RBFOX1: variants seen among roughly 807,000 people sequenced by gnomAD.
RBFOX1 encodes RNA binding fox-1 homolog 1, also known as RNA binding protein fox-1 homolog 1.
In RBFOX1, 8 loss-of-function variants were observed where a neutral mutation model predicts 57.7. The observed-to-expected ratio is 0.14, with a 90% CI of 0.08 to 0.25. RBFOX1 has a LOEUF of 0.25. RBFOX1 is among the 10% of genes least tolerant of loss of function. The probability of loss-of-function intolerance (pLI) is 1.00; values close to 1 mark genes in which losing one functional copy is unlikely to be tolerated. For missense variants in RBFOX1, 611 were observed against 548.5 expected (o/e 1.11, Z -1.14); for synonymous variants, 326 against 222.4 (o/e 1.47, Z -4.15).
At chr16:6,043,016 C>G (rs1202742339) in intron 1 of RBFOX1, among the ~76,000 whole-genome samples, 1 of 150,504 alleles carries the variant, frequency 6.6e-6, no homozygotes, top group Non-Finnish European at 1.5e-5. Context: ...ACTTGGGAGG[C>G]TAAGGCACCA....
At chr16:7,010,340 C>T (rs893887858) in intron 3 of RBFOX1, among the ~76,000 whole-genome samples, 3 of 152,192 alleles carry the variant, frequency 2.0e-5, no homozygotes, top group Admixed American at 6.5e-5. Flanking sequence ...GCATCAAACC[C>T]AGTCTGGTTA....
intron 4 of RBFOX1, among the ~76,000 whole-genome samples, chr16:7,088,527 T>C (rs549802360): frequency 3.5e-4 from 41 of 117,410 alleles, no homozygotes; most frequent in African/African-American, 1.1e-3. Context: ...ATAAATACTC[T>C]GTAGTTGTTT....
In RBFOX1 at chr16:7,712,994, G is replaced by A. The variant is rs951885332; in HGVS notation, c.*2249G>A. On this transcript the variant is annotated 3_prime_UTR_variant, in exon 16 of 16. Coordinates refer to ENST00000550418, the MANE Select transcript of RBFOX1 (RefSeq NM_018723.4). ...TAATAAAATCATTTAGAGTGAGTGA[G>A]TGCCAACCGATGTTGCAGAATCTTT... The A allele has an allele frequency of 6.6e-6, 1 of 152,322 alleles. No homozygotes were observed. The highest frequency in any genetic ancestry group is 2.1e-4 in the South Asian group (1 of 4,834). 9.4% of individuals were successfully genotyped at this position (152,322 alleles called of 1,614,324 possible).
chr16:6,890,242 G>A (rs886090396), intron 3 of RBFOX1, among the ~76,000 whole-genome samples: 1 of 152,148 alleles, frequency 6.6e-6, no homozygotes, highest in Non-Finnish European at 1.5e-5. Flanking sequence ...AAGGAGGGTG[G>A]GCATGGTAGC....
intron 1 of RBFOX1, 99 bp from the exon 2 acceptor site, chr16:6,316,895 AT>A (rs1386936930): frequency 2.4e-6 from 2 of 835,192 alleles, no homozygotes; most frequent in African/African-American, 3.4e-5. Context: ...GTCAGAACCT[AT>A]TTTGAAGGTT....
Position 5,976,784 on chromosome 16 carries a change from G to A in RBFOX1, c.351+109449G>A, listed in dbSNP as rs540319647. Among the ~76,000 whole-genome samples the A allele has an allele frequency of 2.0e-3, 312 of 152,298 alleles. 4 individuals carry two copies. Among genetic ancestry groups the A allele is most frequent in the Middle Eastern group, 3.4e-3 (1 of 294 alleles). On this transcript the variant is annotated intron_variant, in intron 4 of 19. Coordinates refer to the RBFOX1 transcript ENST00000641259. Reference sequence around the variant, plus strand: ...CTTGGGGGGCTTAGCCAGGAGAGTTGCTTGAACTTGGGAGGTGGAGGTTGC... The same window carrying A: ...CTTGGGGGGCTTAGCCAGGAGAGTTACTTGAACTTGGGAGGTGGAGGTTGC...
chr16:6,613,788 A>C (rs1357444906), intron 2 of RBFOX1, among the ~76,000 whole-genome samples: 2 of 152,178 alleles, frequency 1.3e-5, no homozygotes, highest in African/African-American at 4.8e-5. Flanking sequence ...AATATAAAAA[A>C]TTAGCCGGGT....
intron 4 of RBFOX1, among the ~76,000 whole-genome samples, chr16:5,901,468 G>A (rs1013640924): frequency 6.6e-5 from 10 of 152,120 alleles, no homozygotes; most frequent in African/African-American, 1.9e-4. Context: ...CATTTGTTCC[G>A]AAGGTTTGCC....
chr16:6,017,772 AC>A (rs1388788664), upstream of RBFOX1, among the ~76,000 whole-genome samples: 1 of 152,164 alleles, frequency 6.6e-6, no homozygotes, highest in Non-Finnish European at 1.5e-5. Flanking sequence ...TGCAAGAGGA[AC>A]CCTTAAGGAA....
intron 1 of RBFOX1, among the ~76,000 whole-genome samples, chr16:6,136,329 C>T (rs996167878): frequency 6.6e-6 from 1 of 152,092 alleles, no homozygotes; most frequent in Non-Finnish European, 1.5e-5. Flanking sequence ...AACCTTCCCC[C>T]AAGGCACCCT....
At chr16:7,451,831 C>A (rs1226305405) in intron 4 of RBFOX1, among the ~76,000 whole-genome samples, 1 of 152,096 alleles carries the variant, frequency 6.6e-6, no homozygotes, top group Non-Finnish European at 1.5e-5. Flanking sequence ...CTCCCAGTTC[C>A]CTAATCTAAT....
At chr16:5,304,541 C>G (rs1422426388) in intron 1 of RBFOX1, among the ~76,000 whole-genome samples, 1 of 152,150 alleles carries the variant, frequency 6.6e-6, no homozygotes, top group Non-Finnish European at 1.5e-5. Context: ...GCCAACTTTG[C>G]TTCATTCATG....
At position 5,834,430 on chromosome 16, in the gene RBFOX1, T is replaced by C. The variant is rs148012622; in HGVS notation, c.319-32873T>C. 2.8e-3 allele frequency among the ~76,000 whole-genome samples: 421 copies of C among 152,332 alleles called. 4 individuals are homozygous for C. Among genetic ancestry groups the C allele is most frequent in the East Asian group, 0.012 (61 of 5,186 alleles). On this transcript the variant is annotated intron_variant, in intron 3 of 19. Coordinates refer to the RBFOX1 transcript ENST00000641259. ...ATCCAAGTTGATGCAAAAGATAGTA[T>C]TTTGTTCTTTTCATGGCTGAGTAGT...
At chr16:6,800,816 G>A (rs914924248) in intron 3 of RBFOX1, among the ~76,000 whole-genome samples, 3 of 152,050 alleles carry the variant, frequency 2.0e-5, no homozygotes, top group South Asian at 4.1e-4. Context: ...GTGAGTGACT[G>A]TATAAATAGC....
intron 3 of RBFOX1, among the ~76,000 whole-genome samples, chr16:6,860,136 G>A (rs975756123): frequency 6.6e-6 from 1 of 152,134 alleles, no homozygotes; most frequent in African/African-American, 2.4e-5. Context: ...GCTGTTCACT[G>A]CTTTCCTGGC....
chr16:7,646,145 T>C (rs2063694941), intron 11 of RBFOX1, among the ~76,000 whole-genome samples: 1 of 152,196 alleles, frequency 6.6e-6, no homozygotes, highest in South Asian at 2.1e-4. Flanking sequence ...ACTTTTGAGA[T>C]TCGTTCTGAA....
chr16:7,141,095 G>C (rs146677930), intron 4 of RBFOX1, among the ~76,000 whole-genome samples: 1 of 152,088 alleles, frequency 6.6e-6, no homozygotes, highest in African/African-American at 2.4e-5. Flanking sequence ...GGTGGTTTCT[G>C]AACCATGAGT....
At chr16:6,158,648 G>A (rs77041092) in intron 1 of RBFOX1, among the ~76,000 whole-genome samples, 2,910 of 152,164 alleles carry the variant, frequency 0.019, 94 homozygotes, top group African/African-American at 0.065. Flanking sequence ...TAGGCATTGC[G>A]GATGACAGAG....
chr16:7,552,392 A>C (rs1250404351), intron 5 of RBFOX1, among the ~76,000 whole-genome samples: 2 of 152,196 alleles, frequency 1.3e-5, no homozygotes, highest in African/African-American at 4.8e-5. Flanking sequence ...TCAGCACTGG[A>C]AGGTGAAAAG....
Sources: allele counts gnomAD v4.1 joint callset (sites outside exome capture counted in the v4.1 genomes callset), GRCh38; gene constraint gnomAD v4.1.1; transcripts MANE v1.5; gene names NCBI Gene and HGNC (gene_info 2026-07-23, HGNC 2026-07-21).